The following HABP4 variants were observed in gnomAD, a reference collection of about 807,000 sequenced individuals.
HABP4 encodes intracellular hyaluronan-binding protein 4.
HABP4 carries 32 observed loss-of-function variants against 44.1 expected under a neutral mutation model. The observed-to-expected ratio is 0.73, with a 90% CI of 0.55 to 0.97. HABP4 has a LOEUF of 0.97. Among genes scored for constraint, HABP4 ranks in the 50% least tolerant of loss-of-function variants. The pLI is 0.00. For synonymous variants in HABP4, 216 were observed against 218.0 expected (o/e 0.99, Z 0.08); for missense variants, 503 against 561.9 (o/e 0.90, Z 1.06).
intron 1 of HABP4, among the ~76,000 whole-genome samples, chr9:96,457,741 G>A (rs1022499975): frequency 1.3e-5 from 2 of 152,084 alleles, no homozygotes; most frequent in African/African-American, 2.4e-5. Context: ...GGTGGCACAT[G>A]CCTGTAATTC....
In HABP4 at chr9:96,468,176, G is replaced by A. The variant is rs376297396; in HGVS notation, c.743+2398G>A. ...TGGCTTACCATAACCTTGAAACCCC[G>A]GGCTCAGTTGATCCTTCCACCTCAG... is the stretch of plus-strand genomic sequence containing the variant. On this transcript the variant is annotated intron_variant, in intron 4 of 7. Transcript: ENST00000375249. Among the ~76,000 whole-genome samples the A allele has an allele frequency of 1.3e-3, 190 of 151,904 alleles. 1 individual carries two copies. Among genetic ancestry groups the A allele is most frequent in the African/African-American group, 4.5e-3 (185 of 41,448 alleles).
intron 5 of HABP4, among the ~76,000 whole-genome samples, chr9:96,475,761 A>T (rs1328199157): frequency 1.3e-5 from 2 of 152,262 alleles, no homozygotes; most frequent in African/African-American, 4.8e-5. Flanking sequence ...AATATGGAGC[A>T]TCAACTCCCA....
rs746998740 is a variant in HABP4 at position 96,487,279 on chromosome 9, C to T, written c.1000-810C>T. On this transcript the variant is annotated intron_variant, in intron 6 of 7. Transcript: ENST00000375249. ...TCATCTGAAATCACTGACATATCTT[C>T]CTTTCTGTAGGTTTTTACTTTACTT... Among the ~76,000 whole-genome samples, 19 of 152,054 alleles carry T rather than the reference C, an allele frequency of 1.2e-4. 1 individual carries two copies.
chr9:96,475,536 G>A (rs1443852087), intron 5 of HABP4, among the ~76,000 whole-genome samples: 1 of 152,178 alleles, frequency 6.6e-6, no homozygotes, highest in Non-Finnish European at 1.5e-5. Flanking sequence ...CTCACACTGG[G>A]ACAGAGGTTC....
chr9:96,480,883 T>G (rs1832865344), intron 5 of HABP4, among the ~76,000 whole-genome samples: 1 of 152,236 alleles, frequency 6.6e-6, no homozygotes, highest in Non-Finnish European at 1.5e-5. Flanking sequence ...TATCTTTGCT[T>G]TGATGTTTTT....
chr9:96,455,579 C>T (rs1417402561), intron 1 of HABP4, among the ~76,000 whole-genome samples: 6 of 151,304 alleles, frequency 4.0e-5, no homozygotes, highest in African/African-American at 7.3e-5. Context: ...GCCTGGCCAA[C>T]ATGGTGAACC....
At chr9:96,455,117 AAAAAG>A (rs1157461520) in intron 1 of HABP4, among the ~76,000 whole-genome samples, 6 of 151,816 alleles carry the variant, frequency 4.0e-5, no homozygotes. Context: ...CCTGTCGAAA[AAAAAG>A]AAAAGTGTCA....
At position 96,450,471 on chromosome 9, in the gene HABP4, G is replaced by C; in HGVS notation, c.192G>C (p.Ala64=). ...QRKRRDEAAA[A]AGAGPRGGRS... Reference sequence around the variant, plus strand: ...AGAGGCGCGACGAGGCGGCGGCGGCGGCCGGGGCCGGTCCCCGCGGCGGCA... The same window carrying C: ...AGAGGCGCGACGAGGCGGCGGCGGCCGCCGGGGCCGGTCCCCGCGGCGGCA... The change falls in exon 1 of 8, where the codon GCG becomes GCC. Residue 64 remains alanine (A), a synonymous_variant. Coordinates refer to ENST00000375249, the MANE Select transcript of HABP4 (RefSeq NM_014282.4). The surrounding 1 kb of genome is among the most constrained non-coding windows in gnomAD (Gnocchi z 4.8). 8.2e-7 allele frequency: 1 copy of C among 1,220,740 alleles called. No individual in the cohort carries two copies. Among genetic ancestry groups the C allele is most frequent in the Non-Finnish European group, 1.0e-6 (1 of 978,326 alleles). The allele number at this position is 1,220,740 out of a possible 1,614,324, so 75.6% of individuals were successfully genotyped here.
At chr9:96,452,766 C>T (rs995570343) in intron 1 of HABP4, among the ~76,000 whole-genome samples, 4 of 152,020 alleles carry the variant, frequency 2.6e-5, no homozygotes, top group African/African-American at 7.3e-5. Context: ...AAGCACTGTA[C>T]TTTTCTAACA....
chr9:96,451,574 CCTTG>C (rs1832278746), intron 1 of HABP4: 1 of 581,862 alleles, frequency 1.7e-6, no homozygotes. Flanking sequence ...TTGGTTTGTT[CCTTG>C]CTTGATAAAA....
chr9:96,452,441 C>T (rs1283512493), intron 1 of HABP4, among the ~76,000 whole-genome samples: 1 of 152,006 alleles, frequency 6.6e-6, no homozygotes, highest in East Asian at 1.9e-4. Flanking sequence ...TATTTCTTTT[C>T]TTTCTAAACT....
intron 5 of HABP4, among the ~76,000 whole-genome samples, chr9:96,482,093 A>G (rs1832891119): frequency 1.3e-5 from 2 of 151,500 alleles, no homozygotes; most frequent in Admixed American, 1.3e-4. Flanking sequence ...ATTCCACTAC[A>G]CCCGGCTAAT....
At chr9:96,453,304 G>A (rs959773068) in intron 1 of HABP4, among the ~76,000 whole-genome samples, 1 of 152,008 alleles carries the variant, frequency 6.6e-6, no homozygotes, top group African/African-American at 2.4e-5. Context: ...TCGATCTCTT[G>A]ACCTCATGAT....
At chr9:96,471,272 A>C (rs1427582417) in intron 5 of HABP4, among the ~76,000 whole-genome samples, 178 bp downstream of exon 5, 1 of 151,998 alleles carries the variant, frequency 6.6e-6, no homozygotes, top group Non-Finnish European at 1.5e-5. Flanking sequence ...TCTCCTGAGT[A>C]GTTGGGACAA....
In HABP4 at chr9:96,488,397, G is replaced by A. The variant is rs1362092635; in HGVS notation, c.1185+123G>A. 9 of 646,818 alleles carry A rather than the reference G, an allele frequency of 1.4e-5. No homozygotes were observed. In the Admixed American group the frequency reaches 2.0e-4, roughly 15 times the overall value. The allele number at this position is 646,818 out of a possible 1,614,324, so 40.1% of individuals were successfully genotyped here. A position where few individuals can be genotyped will look rare whatever the true frequency, so the allele number is the denominator to read the frequency against. ...TCACTTCTTTCTGTAGCTAGTGTGG[G>A]ACTGATGTTGGGGCATTTGGACGGT... On this transcript the variant is annotated intron_variant, in intron 7 of 7. Transcript: ENST00000375249. This position sits in a 1 kb window ranked among gnomAD's most constrained non-coding sequence, Gnocchi z 4.6.
intron 3 of HABP4, 97 bp from the exon 4 acceptor site, chr9:96,465,613 G>A: frequency 8.6e-7 from 1 of 1,165,252 alleles, no homozygotes; most frequent in Non-Finnish European, 1.3e-6. Context: ...ATTCTTGTGA[G>A]AAGCTGATCC....
intron 4 of HABP4, among the ~76,000 whole-genome samples, chr9:96,466,371 C>CA (rs1344708639): frequency 2.8e-4 from 42 of 151,236 alleles, no homozygotes; most frequent in Admixed American, 2.7e-3. Context: ...CACAGCATCT[C>CA]AAAAAAACAA....
chr9:96,487,836 T>C (rs1283445411), intron 6 of HABP4, among the ~76,000 whole-genome samples: 1 of 152,208 alleles, frequency 6.6e-6, no homozygotes, highest in Non-Finnish European at 1.5e-5. Flanking sequence ...TCAAAGATGT[T>C]TGGATTAAGA....
At chr9:96,475,395 A>AAAAAAG (rs1373163480) in intron 5 of HABP4, among the ~76,000 whole-genome samples, 1 of 151,714 alleles carries the variant, frequency 6.6e-6, no homozygotes, top group Non-Finnish European at 1.5e-5. Flanking sequence ...AACAACAAAA[A>AAAAAAG]AAAAAAAAAA....
Sources: gnomAD v4.1 joint callset for allele counts (sites outside exome capture counted in the v4.1 genomes callset) on GRCh38, gnomAD v4.1.1 for gene constraint, Gnocchi (gnomAD v3.1) non-coding constraint, MANE v1.5 for transcripts, NCBI Gene and HGNC (gene_info 2026-07-23, HGNC 2026-07-21) for gene names.